The following AKNAD1 variants were observed in gnomAD, a reference collection of about 807,000 sequenced individuals.
AKNAD1 encodes the protein AKNA domain containing 1, also known as protein AKNAD1.
A neutral mutation model predicts 90.8 loss-of-function variants in AKNAD1; 67 were observed. The observed-to-expected ratio is 0.74, with a 90% CI of 0.61 to 0.90. The LOEUF is 0.90. AKNAD1 is among the 40% of genes least tolerant of loss of function. The probability of loss-of-function intolerance (pLI) is 0.00; values close to 1 mark genes in which losing one functional copy is unlikely to be tolerated. For missense variants in AKNAD1, 957 were observed against 975.4 expected (o/e 0.98, Z 0.25); for synonymous variants, 327 against 341.4 (o/e 0.96, Z 0.46).
chr1:108,818,963 C>CAA (rs56396425), intron 14 of AKNAD1, among the ~76,000 whole-genome samples: 20,011 of 99,556 alleles, frequency 0.2, 2,054 homozygotes, highest in Non-Finnish European at 0.25. Context: ...AACTCCATCT[C>CAA]AAAAAAAAAA....
chr1:108,837,382 C>A (rs1664418221), intron 7 of AKNAD1, 168 bp downstream of exon 7: 1 of 619,864 alleles, frequency 1.6e-6, no homozygotes, highest in East Asian at 2.8e-5. Context: ...AGCTTCTAAT[C>A]TTTAAAAGCT....
intron 9 of AKNAD1, among the ~76,000 whole-genome samples, chr1:108,833,399 G>A (rs1349363078): frequency 3.3e-5 from 5 of 152,056 alleles, no homozygotes; most frequent in Admixed American, 2.0e-4. Flanking sequence ...TGTGGGCAAC[G>A]TGGTGAAACC....
intron 14 of AKNAD1, among the ~76,000 whole-genome samples, chr1:108,819,025 C>A (rs1189513306): frequency 6.6e-6 from 1 of 150,504 alleles, no homozygotes; most frequent in African/African-American, 2.4e-5. Flanking sequence ...CTGTGCTAGA[C>A]TATGGTGGAG....
chr1:108,847,447 C>CAA (rs1326594196), intron 5 of AKNAD1, among the ~76,000 whole-genome samples: 1 of 83,110 alleles, frequency 1.2e-5, no homozygotes, highest in Non-Finnish European at 2.5e-5. Flanking sequence ...GACCGTGTCT[C>CAA]AAAAAAAAAA....
chr1:108,828,790 C>T (rs976276891), intron 10 of AKNAD1, among the ~76,000 whole-genome samples: 2 of 151,810 alleles, frequency 1.3e-5, no homozygotes, highest in Admixed American at 1.3e-4. Flanking sequence ...AAGTGGGAAA[C>T]TTGGATCTCA....
intron 9 of AKNAD1, among the ~76,000 whole-genome samples, chr1:108,831,061 A>G (rs929237269): frequency 1.3e-5 from 2 of 152,190 alleles, no homozygotes; most frequent in African/African-American, 4.8e-5. Context: ...TAATTTTTAG[A>G]TCTATTAATC....
intron 2 of AKNAD1, 114 bp downstream of exon 2, chr1:108,851,558 G>T: frequency 1.0e-6 from 1 of 1,004,618 alleles, no homozygotes; most frequent in Non-Finnish European, 1.4e-6. Context: ...GACCCAGGGT[G>T]CTGAATGAAA....
At chr1:108,834,406 A>G in intron 9 of AKNAD1, 41 bp downstream of exon 9, 2 of 1,524,494 alleles carry the variant, frequency 1.3e-6, no homozygotes, top group South Asian at 2.4e-5. Flanking sequence ...AAGAGCCAAC[A>G]ATGAGAAGAA....
chr1:108,850,588 T>TTGAAGA (rs1283258263), intron 2 of AKNAD1, among the ~76,000 whole-genome samples: 1 of 151,710 alleles, frequency 6.6e-6, no homozygotes, highest in East Asian at 1.9e-4. Context: ...CCCCAGGCAT[T>TTGAAGA]CAGTTGAAAG....
chr1:108,856,184 T>G (rs1187931149), intron 1 of AKNAD1, among the ~76,000 whole-genome samples: 1 of 151,936 alleles, frequency 6.6e-6, no homozygotes, highest in African/African-American at 2.4e-5. Context: ...ACAGAGAGAA[T>G]GGAAGAAGAA....
chr1:108,819,919 CAA>C (rs71591113), intron 14 of AKNAD1, among the ~76,000 whole-genome samples: 56,727 of 129,002 alleles, frequency 0.44, 12,222 homozygotes, highest in Middle Eastern at 0.52. Context: ...GAATTAACAG[CAA>C]AAAAAAAAAA....
chr1:108,855,988 A>G (rs977862892), intron 1 of AKNAD1, among the ~76,000 whole-genome samples: 21 of 150,786 alleles, frequency 1.4e-4, no homozygotes, highest in Non-Finnish European at 7.4e-5. Flanking sequence ...AGTAGCTGGG[A>G]CTACAGGCGC....
rs1381787060 is a variant in AKNAD1 at position 108,834,467 on chromosome 1, T to A, written c.1726A>T (p.Arg576Trp). The change falls in exon 9 of 16, where the codon AGG becomes TGG. Residue 576 changes from arginine (R) to tryptophan (W), a missense_variant. Arg to Trp is a moderately radical substitution (Grantham distance 101). Coordinates refer to ENST00000370001, the MANE Select transcript of AKNAD1 (RefSeq NM_152763.5). ...ATTACCCCAGAGTTAGAAGACAGCC[T>A]CATGGCCACTTGGTCTGGCTTGTTC... is the stretch of plus-strand genomic sequence containing the variant. ...AQNKPDQVAM[R>W]LSSNSGEDPN... is the part of the protein sequence containing the mutation. 9 of 1,610,928 alleles carry A rather than the reference T, an allele frequency of 5.6e-6. No individual in the cohort carries two copies. Among genetic ancestry groups the A allele is most frequent in the Non-Finnish European group, 7.6e-6 (9 of 1,178,762 alleles).
intron 14 of AKNAD1, 137 bp from the exon 15 acceptor site, chr1:108,817,314 C>T: frequency 3.7e-6 from 4 of 1,083,990 alleles, no homozygotes; most frequent in Non-Finnish European, 5.1e-6. Flanking sequence ...GCCCTCCTAG[C>T]TCTCATACTC....
intron 5 of AKNAD1, 21 bp from the exon 6 acceptor site, chr1:108,843,288 G>A: frequency 6.2e-7 from 1 of 1,611,960 alleles, no homozygotes; most frequent in East Asian, 2.2e-5. Context: ...GAAGTCACTG[G>A]AATCATTCAC....
At chr1:108,834,097 A>G (rs951884595) in intron 9 of AKNAD1, among the ~76,000 whole-genome samples, 7 of 152,198 alleles carry the variant, frequency 4.6e-5, no homozygotes, top group Admixed American at 2.0e-4. Context: ...GCAGACCAGA[A>G]CCAGCAGCTT....
intron 7 of AKNAD1, chr1:108,836,905 G>A (rs1004388664): frequency 5.3e-5 from 8 of 152,232 alleles, no homozygotes; most frequent in African/African-American, 1.9e-4. Flanking sequence ...GGAAAATGCA[G>A]AAGTGGATTC....
intron 8 of AKNAD1, among the ~76,000 whole-genome samples, 185 bp downstream of exon 8, chr1:108,834,744 A>C (rs1034894716): frequency 2.6e-5 from 4 of 151,650 alleles, no homozygotes; most frequent in African/African-American, 7.3e-5. Flanking sequence ...CTCTGCCCAG[A>C]GGGTTGCAGA....
intron 5 of AKNAD1, among the ~76,000 whole-genome samples, chr1:108,845,175 G>C (rs1664666334): frequency 6.6e-6 from 1 of 152,178 alleles, no homozygotes. Context: ...ATTGGCTAAA[G>C]GGTAGATAAA....
Sources: gnomAD v4.1 joint callset for allele counts (sites outside exome capture counted in the v4.1 genomes callset) on GRCh38, gnomAD v4.1.1 for gene constraint, MANE v1.5 for transcripts, NCBI Gene and HGNC (gene_info 2026-07-23, HGNC 2026-07-21) for gene names.